Variants in CLVS1 observed in about 807,000 individuals in gnomAD.
CLVS1 encodes clavesin 1.
CLVS1 carries 10 observed loss-of-function variants against 33.1 expected under a neutral mutation model. The observed-to-expected ratio is 0.30, with a 90% CI of 0.19 to 0.51. CLVS1 has a LOEUF of 0.51. CLVS1 is among the 20% of genes least tolerant of loss of function. CLVS1 has a pLI of 0.97. For synonymous variants in CLVS1, 163 were observed against 166.1 expected, an observed-to-expected ratio of 0.98 and a Z score of 0.14; for missense variants, 343 against 433.4, an observed-to-expected ratio of 0.79 and a Z score of 1.85.
At chr8:61,150,064 A>G (rs1806497097) in intron 2 of CLVS1, among the ~76,000 whole-genome samples, 1 of 146,426 alleles carries the variant, frequency 6.8e-6, no homozygotes, top group African/African-American at 2.6e-5. Context: ...GGGAAAGTCA[A>G]TTTTAACTTT....
chr8:61,276,160 GCC>G (rs1316314252), intron 2 of CLVS1, among the ~76,000 whole-genome samples: 4 of 152,154 alleles, frequency 2.6e-5, no homozygotes, highest in Admixed American at 6.5e-5. Context: ...CAGGGAAGGT[GCC>G]CACAAAATGA....
Position 61,376,663 on chromosome 8 carries a change from G to A in CLVS1, c.514G>A (p.Asp172Asn). 13 of 1,614,158 alleles carry A rather than the reference G, an allele frequency of 8.1e-6. No individual in the cohort carries two copies. Among genetic ancestry groups the A allele is most frequent in the Non-Finnish European group, 1.1e-5 (13 of 1,180,002 alleles). The change falls in exon 3 of 6, where the codon GAT becomes AAT. Residue 172 changes from aspartate (D) to asparagine (N), a missense_variant. Physicochemically the swap from Asp to Asn is conservative, Grantham distance 23 (BLOSUM62 1). This residue lies in a region of CLVS1 where 166 missense variants were observed against 244.0 expected (regional missense o/e 0.68). Transcript: ENST00000325897. ...GCTGTCATTGGAAGTCCTAATCGAA[G>A]ATCCGGAGCTTCAGATAAATGGCTT... is the stretch of plus-strand genomic sequence containing the variant. ...ILLSLEVLIEDPELQINGFIL... is the reference protein window; with the variant it reads ...ILLSLEVLIENPELQINGFIL...
At chr8:61,025,756 C>T in the CLVS1 span, among the ~76,000 whole-genome samples, 2 of 152,178 alleles carry the variant, frequency 1.3e-5, no homozygotes, top group Non-Finnish European at 2.9e-5. Flanking sequence ...ACGTGCTGAT[C>T]CAGTGCCTGT....
rs1208504903 is a variant in CLVS1 at position 61,252,348 on chromosome 8, A to G, written c.-151-47329A>G. 2.6e-5 allele frequency among the ~76,000 whole-genome samples: 4 copies of G among 152,102 alleles called. No individual in the cohort carries two copies. The East Asian group carries it at 5.8e-4, about 22-fold the overall frequency. On this transcript the variant is annotated intron_variant, in intron 2 of 2. Coordinates refer to the CLVS1 transcript ENST00000522621. ...TGTTTTACTTCCAATTATCCAGTCA[A>G]TTTTAGAATAAGCATGATGAGGTGC...
intron 3 of CLVS1, among the ~76,000 whole-genome samples, chr8:61,396,291 T>C (rs1814525582): frequency 6.6e-6 from 1 of 152,166 alleles, no homozygotes; most frequent in African/African-American, 2.4e-5. Flanking sequence ...ATACACCATT[T>C]CCTTTTACTG....
rs115251293 is a variant in CLVS1 at position 61,196,610 on chromosome 8, C to T, written c.-152+64750C>T. 2.2e-3 allele frequency among the ~76,000 whole-genome samples: 332 copies of T among 152,284 alleles called. 1 individual carries two copies. The highest frequency in any genetic ancestry group is 7.5e-3 in the African/African-American group (313 of 41,554). ...GTTCTTACCTGTTTCCCCTACCCTACTGCCAGAGATAAGCTTCATAAGAGC... is the reference window on the plus strand; with the variant it reads ...GTTCTTACCTGTTTCCCCTACCCTATTGCCAGAGATAAGCTTCATAAGAGC... On this transcript the variant is annotated intron_variant, in intron 2 of 2. Coordinates refer to the CLVS1 transcript ENST00000522621.
chr8:61,124,506 T>C (rs960192672), intron 1 of CLVS1, among the ~76,000 whole-genome samples: 1 of 152,244 alleles, frequency 6.6e-6, no homozygotes, highest in Non-Finnish European at 1.5e-5. Context: ...TAGTAGCTCC[T>C]GTGTCTTGTC....
chr8:61,278,523 G>A (rs2129593073), intron 2 of CLVS1, among the ~76,000 whole-genome samples: 1 of 152,264 alleles, frequency 6.6e-6, no homozygotes, highest in African/African-American at 2.4e-5. Flanking sequence ...TTTTTCTGAT[G>A]TTATAACTTG....
At chr8:61,183,686 G>T (rs558041896) in intron 2 of CLVS1, among the ~76,000 whole-genome samples, 1 of 151,992 alleles carries the variant, frequency 6.6e-6, no homozygotes, top group Non-Finnish European at 1.5e-5. Context: ...TCAGAAATAA[G>T]GATGTTTTCT....
At chr8:61,115,109 G>A (rs936484536) in intron 1 of CLVS1, among the ~76,000 whole-genome samples, 2 of 152,102 alleles carry the variant, frequency 1.3e-5, no homozygotes, top group Non-Finnish European at 2.9e-5. Flanking sequence ...TAGTGTTCAA[G>A]GGCAAAAATT....
At chr8:61,133,383 A>G (rs1441661018) in intron 2 of CLVS1, among the ~76,000 whole-genome samples, 1 of 152,116 alleles carries the variant, frequency 6.6e-6, no homozygotes, top group African/African-American at 2.4e-5. Flanking sequence ...CAAGATGACA[A>G]AGGGGTATGG....
At chr8:61,117,823 C>T (rs1805761359) in intron 1 of CLVS1, among the ~76,000 whole-genome samples, 1 of 152,026 alleles carries the variant, frequency 6.6e-6, no homozygotes. Flanking sequence ...GGATATTGGT[C>T]TAAAATTCTC....
At chr8:61,259,791 G>A (rs1250586399) in intron 2 of CLVS1, among the ~76,000 whole-genome samples, 21 of 152,248 alleles carry the variant, frequency 1.4e-4, no homozygotes, top group Admixed American at 1.4e-3. Flanking sequence ...GTTAAGAGCA[G>A]ACGCGGAGCA....
intron 3 of CLVS1, among the ~76,000 whole-genome samples, chr8:61,426,980 A>T (rs548253819): frequency 2.6e-5 from 4 of 152,230 alleles, no homozygotes; most frequent in African/African-American, 4.8e-5. Flanking sequence ...ACAATGAGAG[A>T]GCAAAATAGT....
chr8:61,116,482 T>C, intron 1 of CLVS1, among the ~76,000 whole-genome samples: 1 of 152,216 alleles, frequency 6.6e-6, no homozygotes, highest in Non-Finnish European at 1.5e-5. Context: ...TAGGTTTTCT[T>C]CTAGGGTTTT....
intron 1 of CLVS1, among the ~76,000 whole-genome samples, chr8:61,084,522 G>T (rs1320123496): frequency 4.6e-5 from 7 of 152,170 alleles, no homozygotes; most frequent in Non-Finnish European, 1.5e-5. Flanking sequence ...TAAACATCCT[G>T]CAAGGCACAG....
At chr8:61,262,513 G>A (rs544673012) in intron 2 of CLVS1, among the ~76,000 whole-genome samples, 373 of 152,230 alleles carry the variant, frequency 2.5e-3, no homozygotes, top group Non-Finnish European at 4.2e-3. Flanking sequence ...TCAAAAAAAA[G>A]TAGAGTCTCC....
At chr8:60,994,994 T>C in the CLVS1 span, among the ~76,000 whole-genome samples, 6 of 151,462 alleles carry the variant, frequency 4.0e-5, no homozygotes, top group East Asian at 3.9e-4. Context: ...CTTCCTTACA[T>C]CTTATACAAA....
intron 3 of CLVS1, among the ~76,000 whole-genome samples, chr8:61,437,843 G>A (rs1475236444): frequency 6.6e-6 from 1 of 152,128 alleles, no homozygotes; most frequent in African/African-American, 2.4e-5. Flanking sequence ...CATCCTTAAA[G>A]TCCCACATGA....
Sources: gnomAD v4.1 joint callset for allele counts (sites outside exome capture counted in the v4.1 genomes callset) on GRCh38, gnomAD v4.1.1 for gene constraint, gnomAD v4.1.1 regional missense constraint, MANE v1.5 for transcripts, NCBI Gene and HGNC (gene_info 2026-07-23, HGNC 2026-07-21) for gene names.